The following JAK1 variants were observed in gnomAD, a reference collection of about 807,000 sequenced individuals.
The protein encoded by JAK1 is Janus kinase 1.
Under a neutral mutation model 136.6 loss-of-function variants are expected in JAK1, and 16 were observed. That is an observed-to-expected ratio of 0.12 (90% CI 0.08 to 0.18). The LOEUF (loss-of-function observed/expected upper bound fraction) is 0.18. Ranked by LOEUF, JAK1 falls within the 10% of genes least tolerant of loss-of-function variation. The probability of loss-of-function intolerance (pLI) is 1.00; values close to 1 mark genes in which losing one functional copy is unlikely to be tolerated. For synonymous variants in JAK1, 492 were observed against 519.5 expected, an observed-to-expected ratio of 0.95 and a Z score of 0.72; for missense variants, 859 against 1,450.1, an observed-to-expected ratio of 0.59 and a Z score of 6.62.
intron 8 of JAK1, among the ~76,000 whole-genome samples, chr1:64,861,006 T>C (rs568530490): frequency 1.2e-3 from 173 of 145,674 alleles, no homozygotes; most frequent in African/African-American, 4.4e-3. Context: ...TGGGGGAGGC[T>C]GTGGCAGGCA....
At chr1:65,028,974 G>A (rs529333890) in intron 2 of JAK1, among the ~76,000 whole-genome samples, 1 of 152,262 alleles carries the variant, frequency 6.6e-6, no homozygotes, top group African/African-American at 2.4e-5. Flanking sequence ...TATGAACAAA[G>A]TAAAAGAATC....
At chr1:65,043,353 A>G (rs1647152531) in intron 2 of JAK1, among the ~76,000 whole-genome samples, 2 of 152,232 alleles carry the variant, frequency 1.3e-5, no homozygotes, top group South Asian at 4.1e-4. Context: ...CCTTGGTTAC[A>G]GATTTTCATT....
At chr1:64,980,745 C>T (rs1419970224) in intron 2 of JAK1, among the ~76,000 whole-genome samples, 5 of 151,928 alleles carry the variant, frequency 3.3e-5, no homozygotes, top group Non-Finnish European at 7.4e-5. Context: ...CACGACAGGC[C>T]CTGGTGTGTG....
At chr1:64,904,789 G>C (rs968516539) in intron 1 of JAK1, among the ~76,000 whole-genome samples, 1 of 151,850 alleles carries the variant, frequency 6.6e-6, no homozygotes, top group Admixed American at 6.6e-5. Flanking sequence ...CACAAGCATG[G>C]GATAAAATCT....
chr1:64,880,941 T>TCAAA (rs974764391), intron 3 of JAK1, among the ~76,000 whole-genome samples: 24 of 150,702 alleles, frequency 1.6e-4, no homozygotes, highest in South Asian at 4.2e-4. Flanking sequence ...AGACTCTGTC[T>TCAAA]CAAACAAACA....
Position 64,975,598 on chromosome 1 carries a change from G to A in JAK1, c.-78+68882C>T, listed in dbSNP as rs1646491351. Among the ~76,000 whole-genome samples, 3 of 152,250 alleles carry A rather than the reference G, an allele frequency of 2.0e-5. No homozygotes were observed. The South Asian group carries it at 6.2e-4, about 32-fold the overall frequency. On this transcript the variant is annotated intron_variant, in intron 2 of 25. Coordinates refer to the JAK1 transcript ENST00000671954. ...GTTCACATCCTGTCCCTTTTGCATG[G>A]CCCATTTCCCTCACCCTTAGCTATC...
intron 1 of JAK1, among the ~76,000 whole-genome samples, chr1:65,056,139 C>G (rs1647524696): frequency 6.7e-6 from 1 of 148,638 alleles, no homozygotes; most frequent in Non-Finnish European, 1.5e-5. Context: ...TCCAGAGTTT[C>G]TGTCAGAAAT....
chr1:64,881,823 A>G (rs1644776926), intron 3 of JAK1, among the ~76,000 whole-genome samples: 1 of 152,120 alleles, frequency 6.6e-6, no homozygotes, highest in African/African-American at 2.4e-5. Flanking sequence ...CTCTGCAACA[A>G]TGACCTTTGC....
At chr1:65,019,344 G>T (rs1646917685) in intron 2 of JAK1, among the ~76,000 whole-genome samples, 1 of 151,264 alleles carries the variant, frequency 6.6e-6, no homozygotes, top group Non-Finnish European at 1.5e-5. Context: ...AATACAAAAA[G>T]ATAATATAGA....
chr1:64,945,043 G>A (rs549582951), intron 1 of JAK1, among the ~76,000 whole-genome samples: 2 of 151,622 alleles, frequency 1.3e-5, no homozygotes, highest in African/African-American at 4.8e-5. Context: ...GAGCACATCG[G>A]GATGGGCAGA....
chr1:64,948,031 G>C (rs998411373), intron 1 of JAK1, among the ~76,000 whole-genome samples: 3 of 152,086 alleles, frequency 2.0e-5, no homozygotes, highest in African/African-American at 4.8e-5. Flanking sequence ...GAGGTTTTGG[G>C]TGAAACATTT....
chr1:64,916,785 C>T (rs1645404226), intron 1 of JAK1, among the ~76,000 whole-genome samples: 2 of 150,526 alleles, frequency 1.3e-5, no homozygotes, highest in African/African-American at 4.9e-5. Flanking sequence ...TGCAGTGAGC[C>T]GAGATTCTGC....
intron 2 of JAK1, among the ~76,000 whole-genome samples, chr1:65,035,791 G>C (rs568579509): frequency 6.6e-6 from 1 of 152,126 alleles, no homozygotes; most frequent in South Asian, 2.1e-4. Flanking sequence ...AGAGCTGGCC[G>C]GACGCGGTGG....
At chr1:64,957,198 G>A (rs1222905093) in intron 1 of JAK1, among the ~76,000 whole-genome samples, 2 of 152,070 alleles carry the variant, frequency 1.3e-5, no homozygotes, top group African/African-American at 4.8e-5. Context: ...AGGAAAGAGA[G>A]GAGAGGTGCT....
chr1:64,957,221 G>A (rs181989025), intron 1 of JAK1, among the ~76,000 whole-genome samples: 39 of 152,266 alleles, frequency 2.6e-4, no homozygotes, highest in African/African-American at 9.1e-4. Context: ...AGGGGCAACA[G>A]TGAGTGGATG....
At chr1:64,886,139 A>G in intron 2 of JAK1, 120 bp downstream of exon 2, 2 of 629,118 alleles carry the variant, frequency 3.2e-6, no homozygotes, top group Non-Finnish European at 5.6e-6. Flanking sequence ...GAATAAATAC[A>G]TCAATTTCAA....
intron 1 of JAK1, among the ~76,000 whole-genome samples, chr1:64,937,220 T>C (rs1645805662): frequency 1.3e-5 from 2 of 152,204 alleles, no homozygotes; most frequent in East Asian, 1.9e-4. Flanking sequence ...CCAGGACCAT[T>C]TGCAAAACTT....
At position 64,902,191 on chromosome 1, in the gene JAK1, C is replaced by T. The variant is rs1238644339; in HGVS notation, c.-77-15850G>A. On this transcript the variant is annotated intron_variant, in intron 1 of 24. Transcript: ENST00000342505. The stretch of plus-strand genomic sequence containing the variant: ...AGGCTCAAAGACATTACATAATTTG[C>T]CAAATGTCATTGTAGCTAGTAAGCA... 2.6e-5 allele frequency among the ~76,000 whole-genome samples: 4 copies of T among 152,246 alleles called. No individual in the cohort carries two copies. In the East Asian group the frequency reaches 7.7e-4, roughly 29 times the overall value.
At chr1:64,904,920 T>C (rs909413831) in intron 1 of JAK1, among the ~76,000 whole-genome samples, 2 of 152,204 alleles carry the variant, frequency 1.3e-5, no homozygotes, top group African/African-American at 4.8e-5. Flanking sequence ...GAAAAAGTTA[T>C]ATTTACCTAC....
Sources: allele counts gnomAD v4.1 joint callset (sites outside exome capture counted in the v4.1 genomes callset), GRCh38; gene constraint gnomAD v4.1.1; transcripts MANE v1.5; gene names NCBI Gene and HGNC (gene_info 2026-07-23, HGNC 2026-07-21).